PAK1: variants seen among roughly 807,000 people sequenced by gnomAD.
PAK1 encodes the protein p21 (RAC1) activated kinase 1, also known as serine/threonine-protein kinase PAK 1.
Under a neutral mutation model 67.4 loss-of-function variants are expected in PAK1, and 29 were observed. The ratio of observed to expected loss-of-function variants is 0.43; its 90% CI spans 0.32 to 0.59. PAK1 has a LOEUF of 0.59. PAK1 is among the 20% of genes least tolerant of loss of function. The pLI is 0.07. For missense variants in PAK1, 337 were observed against 670.7 expected, an observed-to-expected ratio of 0.50 and a Z score of 5.50; for synonymous variants, 223 against 237.4, an observed-to-expected ratio of 0.94 and a Z score of 0.56.
At chr11:77,333,122 A>T (rs1941999970) in intron 13 of PAK1, among the ~76,000 whole-genome samples, 1 of 152,142 alleles carries the variant, frequency 6.6e-6, no homozygotes, top group Admixed American at 6.5e-5. Context: ...AAATAAAATA[A>T]GATAGTGTAT....
At chr11:77,446,511 CAAAAAAAAAA>C (rs56952838) in intron 1 of PAK1, among the ~76,000 whole-genome samples, 4 of 60,680 alleles carry the variant, frequency 6.6e-5, no homozygotes, top group Non-Finnish European at 1.4e-4. Flanking sequence ...GACCCTGTCT[CAAAAAAAAAA>C]AAAAAAAAAA....
chr11:77,392,605 TA>T (rs1231463792), intron 1 of PAK1, 64 bp from the exon 2 acceptor site: 3 of 1,341,418 alleles, frequency 2.2e-6, no homozygotes, highest in African/African-American at 2.9e-5. Flanking sequence ...AAATACATGT[TA>T]AAAAATTGCA....
Position 77,448,979 on chromosome 11 carries a change from T to C in PAK1, c.-22+24573A>G, listed in dbSNP as rs148212195. ...AAGAAGGTGGATAGAAATTAAAAAATGATATTATACAAAAATGGCTAAGGA... is the reference window on the plus strand; with the variant it reads ...AAGAAGGTGGATAGAAATTAAAAAACGATATTATACAAAAATGGCTAAGGA... On this transcript the variant is annotated intron_variant, in intron 1 of 14. Coordinates refer to ENST00000356341, the MANE Select transcript of PAK1 (RefSeq NM_002576.5). 7.9e-5 allele frequency among the ~76,000 whole-genome samples: 12 copies of C among 152,332 alleles called. No homozygotes were observed. In the East Asian group the frequency reaches 2.3e-3, roughly 29 times the overall value.
the PAK1 span, among the ~76,000 whole-genome samples, chr11:77,498,058 A>G: frequency 7.2e-5 from 11 of 152,216 alleles, no homozygotes; most frequent in African/African-American, 2.6e-4. Flanking sequence ...AAAAATTCTA[A>G]TCTTCTAAAT....
At chr11:77,357,729 T>C (rs1215999451) in intron 6 of PAK1, among the ~76,000 whole-genome samples, 1 of 152,170 alleles carries the variant, frequency 6.6e-6, no homozygotes, top group Admixed American at 6.6e-5. Flanking sequence ...GAATTACCAA[T>C]ACCTTTTTAG....
chr11:77,324,377 T>A (rs1018935927), intron 14 of PAK1, among the ~76,000 whole-genome samples: 2 of 152,124 alleles, frequency 1.3e-5, no homozygotes, highest in Non-Finnish European at 2.9e-5. Flanking sequence ...TTTGCCATAC[T>A]GTCCAGGCTA....
chr11:77,498,129 A>G, the PAK1 span, among the ~76,000 whole-genome samples: 1 of 152,172 alleles, frequency 6.6e-6, no homozygotes, highest in Non-Finnish European at 1.5e-5. Context: ...AACAGGTGAA[A>G]CCCAAATAAA....
chr11:77,407,034 AATT>A (rs998497532), intron 1 of PAK1, among the ~76,000 whole-genome samples: 1 of 152,052 alleles, frequency 6.6e-6, no homozygotes, highest in East Asian at 1.9e-4. Context: ...CCTACTATAT[AATT>A]ATTATTATTT....
At chr11:77,490,289 AG>A in the PAK1 span, among the ~76,000 whole-genome samples, 153 of 87,964 alleles carry the variant, frequency 1.7e-3, 3 homozygotes, top group African/African-American at 7.5e-3. Flanking sequence ...GGTGGGGGTC[AG>A]CCCCCCCACC....
chr11:77,508,903 GC>G, the PAK1 span, among the ~76,000 whole-genome samples: 2 of 147,056 alleles, frequency 1.4e-5, no homozygotes, highest in African/African-American at 4.9e-5. Flanking sequence ...CTAGTGATCC[GC>G]CCGCCTCGGC....
the PAK1 span, among the ~76,000 whole-genome samples, chr11:77,487,501 G>A: frequency 6.6e-6 from 1 of 151,872 alleles, no homozygotes; most frequent in Non-Finnish European, 1.5e-5. Context: ...GCAGGCTCTT[G>A]GGGTTCCTGA....
At chr11:77,469,685 G>T (rs1308009160) in intron 1 of PAK1, among the ~76,000 whole-genome samples, 1 of 146,824 alleles carries the variant, frequency 6.8e-6, no homozygotes, top group Non-Finnish European at 1.5e-5. Context: ...TCTGTGAAGA[G>T]ACTTTTTTTT....
intron 1 of PAK1, among the ~76,000 whole-genome samples, chr11:77,433,650 G>A (rs1169099429): frequency 2.0e-5 from 3 of 152,094 alleles, no homozygotes; most frequent in African/African-American, 7.2e-5. Flanking sequence ...GTGGTGGCAC[G>A]CTCCTGTAGT....
chr11:77,393,100 T>C (rs967289824), intron 1 of PAK1, among the ~76,000 whole-genome samples: 1 of 151,926 alleles, frequency 6.6e-6, no homozygotes, highest in Non-Finnish European at 1.5e-5. Flanking sequence ...TTATAAATTG[T>C]CTATGGCTTT....
chr11:77,480,068 G>A, the PAK1 span, among the ~76,000 whole-genome samples: 1 of 152,164 alleles, frequency 6.6e-6, no homozygotes, highest in African/African-American at 2.4e-5. Context: ...ATGGTTCAGT[G>A]TGTTTTGTAA....
At chr11:77,525,404 T>G in the PAK1 span, among the ~76,000 whole-genome samples, 2 of 152,156 alleles carry the variant, frequency 1.3e-5, no homozygotes, top group Non-Finnish European at 2.9e-5. Context: ...ATTTATTAAC[T>G]TAATTATTTT....
chr11:77,494,118 T>A, the PAK1 span, among the ~76,000 whole-genome samples: 1 of 152,182 alleles, frequency 6.6e-6, no homozygotes, highest in Non-Finnish European at 1.5e-5. Context: ...GCAAAACCAC[T>A]TATAGGAGTC....
At chr11:77,335,175 G>A (rs1942463823) in intron 13 of PAK1, among the ~76,000 whole-genome samples, 2 of 152,150 alleles carry the variant, frequency 1.3e-5, no homozygotes, top group African/African-American at 4.8e-5. Flanking sequence ...CTAGAGCTCA[G>A]TACTCAAATC....
chr11:77,411,691 C>G (rs1054514207), intron 1 of PAK1: 1 of 152,312 alleles, frequency 6.6e-6, no homozygotes, highest in Non-Finnish European at 1.5e-5. Flanking sequence ...CTACTGGACC[C>G]CGTGTCACCA....
Sources: gnomAD v4.1 joint callset for allele counts (sites outside exome capture counted in the v4.1 genomes callset) on GRCh38, gnomAD v4.1.1 for gene constraint, MANE v1.5 for transcripts, NCBI Gene and HGNC (gene_info 2026-07-23, HGNC 2026-07-21) for gene names.